Variants in PLEKHG1 observed in about 807,000 individuals in gnomAD.
PLEKHG1 encodes the protein pleckstrin homology domain-containing family G member 1.
PLEKHG1 carries 44 observed loss-of-function variants against 100.8 expected under a neutral mutation model. That is an observed-to-expected ratio of 0.44 (90% CI 0.34 to 0.56). The LOEUF (loss-of-function observed/expected upper bound fraction) is 0.56, where lower values mean the gene tolerates loss of function less well. Among genes scored for constraint, PLEKHG1 ranks in the 20% least tolerant of loss-of-function variants. The pLI is 0.01. For missense variants in PLEKHG1, 1,545 were observed against 1,720.9 expected (o/e 0.90, Z 1.81); for synonymous variants, 640 against 662.5 (o/e 0.97, Z 0.52).
At chr6:150,774,952 T>C (rs1297830412) in intron 3 of PLEKHG1, among the ~76,000 whole-genome samples, 1 of 152,212 alleles carries the variant, frequency 6.6e-6, no homozygotes, top group Non-Finnish European at 1.5e-5. Context: ...CTGTCTTTGT[T>C]CAGTATTGGT....
chr6:150,625,500 T>A (rs1447101127), intron 1 of PLEKHG1, among the ~76,000 whole-genome samples: 1 of 150,654 alleles, frequency 6.6e-6, no homozygotes, highest in African/African-American at 2.5e-5. Context: ...ATCTCTCTCT[T>A]TTTTTTTAAG....
chr6:150,706,067 C>T (rs1028239038), intron 3 of PLEKHG1, among the ~76,000 whole-genome samples: 1 of 152,174 alleles, frequency 6.6e-6, no homozygotes, highest in African/African-American at 2.4e-5. Context: ...TAAGTCTTCA[C>T]TCCTGTCCTA....
At chr6:150,761,099 C>CTTTTTTTTT (rs35068801) in intron 2 of PLEKHG1, among the ~76,000 whole-genome samples, 543 of 95,878 alleles carry the variant, frequency 5.7e-3, no homozygotes, top group Non-Finnish European at 8.2e-3. Context: ...TTCTTTTTTT[C>CTTTTTTTTT]TTTTTTTTTT....
chr6:150,730,455 A>G (rs1444208302), intron 1 of PLEKHG1, among the ~76,000 whole-genome samples: 2 of 152,144 alleles, frequency 1.3e-5, no homozygotes, highest in Non-Finnish European at 2.9e-5. Flanking sequence ...ATAGGTCACA[A>G]TAGGGCTCGT....
intron 2 of PLEKHG1, among the ~76,000 whole-genome samples, chr6:150,738,365 G>A (rs1393266390): frequency 1.3e-5 from 2 of 151,974 alleles, no homozygotes; most frequent in South Asian, 2.1e-4. Context: ...TGTATACACC[G>A]AGTTAAAAAA....
Position 150,683,817 on chromosome 6 carries a change from C to G in PLEKHG1, c.-99+33031C>G, listed in dbSNP as rs140748525. ...GCAGGAAACTGCTGCCTGGACAAATCGTGTTCTGGGCCAAAGCATCACAGG... is the reference window on the plus strand; with the variant it reads ...GCAGGAAACTGCTGCCTGGACAAATGGTGTTCTGGGCCAAAGCATCACAGG... On this transcript the variant is annotated intron_variant, in intron 3 of 3. Transcript: ENST00000367326. This position sits in a 1 kb window ranked among gnomAD's most constrained non-coding sequence, Gnocchi z 4.0. 1 of 1,288,494 alleles carries G rather than the reference C, an allele frequency of 7.8e-7. No homozygotes were observed. The highest frequency in any genetic ancestry group is 1.0e-6 in the Non-Finnish European group (1 of 988,496). 79.8% of individuals were successfully genotyped at this position (1,288,494 alleles called of 1,614,324 possible).
At chr6:150,823,826 A>G in intron 14 of PLEKHG1, 150 bp downstream of exon 15, 2 of 636,366 alleles carry the variant, frequency 3.1e-6, no homozygotes, top group South Asian at 2.0e-5. Flanking sequence ...ATTTTGAATT[A>G]TTTACATTTG....
At chr6:150,743,804 G>A (rs1023662057) in intron 2 of PLEKHG1, among the ~76,000 whole-genome samples, 7 of 151,636 alleles carry the variant, frequency 4.6e-5, no homozygotes, top group Non-Finnish European at 7.4e-5. Flanking sequence ...AGGGCTCTGT[G>A]AAATTATTTA....
intron 2 of PLEKHG1, among the ~76,000 whole-genome samples, chr6:150,762,133 T>C (rs1382567993): frequency 6.6e-6 from 1 of 152,116 alleles, no homozygotes; most frequent in African/African-American, 2.4e-5. Flanking sequence ...CACATCACAT[T>C]ACCAGTAAGA....
chr6:150,719,626 C>G (rs530003203), upstream of PLEKHG1, among the ~76,000 whole-genome samples: 184 of 152,258 alleles, frequency 1.2e-3, no homozygotes, highest in Middle Eastern at 0.01. Flanking sequence ...TGTAGCAGAT[C>G]AAACGGGAGC....
At chr6:150,620,339 C>A (rs73016045) in intron 1 of PLEKHG1, among the ~76,000 whole-genome samples, 1 of 152,162 alleles carries the variant, frequency 6.6e-6, no homozygotes, top group South Asian at 2.1e-4. Context: ...AGGAAGACAC[C>A]GCTACTCAGA....
chr6:150,779,162 C>A (rs1785155142), intron 3 of PLEKHG1, among the ~76,000 whole-genome samples: 2 of 151,962 alleles, frequency 1.3e-5, no homozygotes, highest in Admixed American at 1.3e-4. Context: ...TATCTGAGTG[C>A]CCTCCCAGCT....
intron 15 of PLEKHG1, among the ~76,000 whole-genome samples, chr6:150,836,411 G>A (rs1259720497): frequency 6.6e-6 from 1 of 151,740 alleles, no homozygotes; most frequent in African/African-American, 2.4e-5. Flanking sequence ...ATAAAGAAGG[G>A]AGTGAAAAAA....
At chr6:150,808,804 C>T (rs968858977) in intron 7 of PLEKHG1, among the ~76,000 whole-genome samples, 1 of 151,894 alleles carries the variant, frequency 6.6e-6, no homozygotes, top group African/African-American at 2.4e-5. Flanking sequence ...ATACTGGTGG[C>T]CCCTGGACCT....
chr6:150,781,511 A>G (rs76524634), intron 3 of PLEKHG1, among the ~76,000 whole-genome samples: 4,392 of 152,106 alleles, frequency 0.029, 69 homozygotes, highest in South Asian at 0.062. Flanking sequence ...TCTCCAAAAA[A>G]AAAAGAAAAG....
At chr6:150,766,486 A>G (rs2128638298) in intron 2 of PLEKHG1, among the ~76,000 whole-genome samples, 1 of 152,358 alleles carries the variant, frequency 6.6e-6, no homozygotes, top group Non-Finnish European at 1.5e-5. Context: ...GGGTTAAAGT[A>G]TTAGATTTAA....
Position 150,600,523 on chromosome 6 carries a change from G to C in PLEKHG1, c.-204+506G>C, listed in dbSNP as rs1348059954. ...CGAAGCCGGGAGCCCGAGGACCCGGGGACGCGCGGTGGGGGCGGCGGCCGA... is the reference window on the plus strand; with the variant it reads ...CGAAGCCGGGAGCCCGAGGACCCGGCGACGCGCGGTGGGGGCGGCGGCCGA... On this transcript the variant is annotated intron_variant, in intron 1 of 3. Coordinates refer to the PLEKHG1 transcript ENST00000367326. The surrounding 1 kb of genome is among the most constrained non-coding windows in gnomAD (Gnocchi z 6.2). Among the ~76,000 whole-genome samples, 1 of 151,978 alleles carries C rather than the reference G, an allele frequency of 6.6e-6. No homozygotes were observed. Among genetic ancestry groups the C allele is most frequent in the South Asian group, 2.1e-4 (1 of 4,816 alleles).
rs1187014674 is a variant in PLEKHG1, at chr6:150,683,531, C to T, written c.-99+32745C>T. 7 of 234,780 alleles carry T rather than the reference C, an allele frequency of 3.0e-5. No homozygotes were observed. The highest frequency in any genetic ancestry group is 4.6e-5 in the African/African-American group (2 of 43,736). 14.5% of individuals were successfully genotyped at this position (234,780 alleles called of 1,614,324 possible). A position where few individuals can be genotyped will look rare whatever the true frequency, so the allele number is the denominator to read the frequency against. On this transcript the variant is annotated intron_variant, in intron 3 of 3. Transcript: ENST00000367326. The surrounding 1 kb of genome is among the most constrained non-coding windows in gnomAD (Gnocchi z 4.0). ...GTGTGTGGAAGGGTGGCGCTGACCTCCCAGACAGGACATTACCCTTCTTCC... is the reference window on the plus strand; with the variant it reads ...GTGTGTGGAAGGGTGGCGCTGACCTTCCAGACAGGACATTACCCTTCTTCC...
At chr6:150,701,706 T>TGG (rs1780799531) in intron 3 of PLEKHG1, among the ~76,000 whole-genome samples, 2 of 149,496 alleles carry the variant, frequency 1.3e-5, no homozygotes, top group African/African-American at 4.9e-5. Flanking sequence ...AATCTAGTGA[T>TGG]GGGGATGTAT....
Sources: allele counts gnomAD v4.1 joint callset (sites outside exome capture counted in the v4.1 genomes callset), GRCh38; gene constraint gnomAD v4.1.1; non-coding constraint Gnocchi (gnomAD v3.1); transcripts MANE v1.5; gene names NCBI Gene and HGNC (gene_info 2026-07-23, HGNC 2026-07-21).